Variants in ST8SIA1 observed in about 807,000 individuals in gnomAD.
ST8SIA1 encodes the protein alpha-N-acetylneuraminide alpha-2,8-sialyltransferase.
A neutral mutation model predicts 35.9 loss-of-function variants in ST8SIA1; 16 were observed. The ratio of observed to expected loss-of-function variants is 0.45; its 90% CI spans 0.30 to 0.68. The LOEUF (loss-of-function observed/expected upper bound fraction) is 0.68. Ranked by LOEUF, ST8SIA1 falls within the 30% of genes least tolerant of loss-of-function variation. The pLI is 0.09. For missense variants in ST8SIA1, 383 were observed against 453.6 expected (o/e 0.84, Z 1.41); for synonymous variants, 170 against 169.6 (o/e 1.00, Z -0.02).
At chr12:22,224,914 G>A (rs563788383) in intron 4 of ST8SIA1, among the ~76,000 whole-genome samples, 1 of 152,254 alleles carries the variant, frequency 6.6e-6, no homozygotes, top group East Asian at 1.9e-4. Flanking sequence ...TTAAAATGAG[G>A]CCACAGCACA....
At chr12:22,260,230 C>A (rs112662034) in intron 2 of ST8SIA1, among the ~76,000 whole-genome samples, 2 of 151,438 alleles carry the variant, frequency 1.3e-5, no homozygotes, top group South Asian at 4.2e-4. Flanking sequence ...GGTGCCATCA[C>A]GGCTCACTGC....
At position 22,321,352 on chromosome 12, in the gene ST8SIA1, G is replaced by A. The variant is rs181172041; in HGVS notation, c.236+12645C>T. ...AGAACACTTTGCCATTAGAAGGCTGGGCAGCCAAGCAGGGTTCACGCGGAA... is the reference window on the plus strand; with the variant it reads ...AGAACACTTTGCCATTAGAAGGCTGAGCAGCCAAGCAGGGTTCACGCGGAA... On this transcript the variant is annotated intron_variant, in intron 1 of 4. Coordinates refer to ENST00000396037, the MANE Select transcript of ST8SIA1 (RefSeq NM_003034.4). Among the ~76,000 whole-genome samples, 368 of 152,294 alleles carry A rather than the reference G, an allele frequency of 2.4e-3. 1 individual carries two copies. Among genetic ancestry groups the A allele is most frequent in the Middle Eastern group, 3.4e-3 (1 of 294 alleles).
intron 4 of ST8SIA1, among the ~76,000 whole-genome samples, chr12:22,205,772 A>C (rs1248470818): frequency 6.6e-6 from 1 of 152,142 alleles, no homozygotes. Flanking sequence ...ATGTTACAAA[A>C]ACTAAAAAAA....
chr12:22,249,748 G>C (rs7953421), intron 3 of ST8SIA1, among the ~76,000 whole-genome samples: 9,939 of 152,188 alleles, frequency 0.065, 802 homozygotes, highest in South Asian at 0.19. Context: ...GAGAGGGTAG[G>C]ACAGACATTC....
intron 1 of ST8SIA1, among the ~76,000 whole-genome samples, 195 bp from the exon 2 acceptor site, chr12:22,287,488 CAAAAA>C (rs60549878): frequency 8.7e-5 from 11 of 126,344 alleles, no homozygotes; most frequent in East Asian, 2.5e-4. Flanking sequence ...TATTTCACAG[CAAAAA>C]AAAAAAAAAA....
intron 2 of ST8SIA1, among the ~76,000 whole-genome samples, chr12:22,278,854 C>T (rs1462366984): frequency 6.6e-6 from 1 of 152,182 alleles, no homozygotes; most frequent in Non-Finnish European, 1.5e-5. Context: ...TCAAAAAGCA[C>T]TTTTGTTTCC....
chr12:22,240,246 G>C (rs1339860179), intron 4 of ST8SIA1, among the ~76,000 whole-genome samples: 3 of 152,192 alleles, frequency 2.0e-5, no homozygotes, highest in Admixed American at 1.3e-4. Context: ...TACATAGCTA[G>C]TAGGCAGAAA....
At chr12:22,229,726 G>C (rs1865396664) in intron 4 of ST8SIA1, among the ~76,000 whole-genome samples, 1 of 152,132 alleles carries the variant, frequency 6.6e-6, no homozygotes, top group African/African-American at 2.4e-5. Context: ...TGGTTTGATG[G>C]GAGAAAAATT....
intron 1 of ST8SIA1, among the ~76,000 whole-genome samples, chr12:22,291,415 C>G (rs1283269383): frequency 6.6e-6 from 1 of 152,186 alleles, no homozygotes; most frequent in Non-Finnish European, 1.5e-5. Flanking sequence ...CAAGAATTTA[C>G]CTCAGTTTCA....
intron 1 of ST8SIA1, among the ~76,000 whole-genome samples, chr12:22,296,563 C>T (rs1273926533): frequency 6.6e-6 from 1 of 152,122 alleles, no homozygotes; most frequent in Non-Finnish European, 1.5e-5. Context: ...TAACACCATG[C>T]TCAGATATGA....
chr12:22,255,730 T>C (rs1228420684), intron 2 of ST8SIA1, among the ~76,000 whole-genome samples: 1 of 152,162 alleles, frequency 6.6e-6, no homozygotes, highest in Non-Finnish European at 1.5e-5. Context: ...TTTAAAGCCA[T>C]TAAGCTGGAA....
At chr12:22,250,106 A>G (rs1865652841) in intron 3 of ST8SIA1, among the ~76,000 whole-genome samples, 1 of 151,788 alleles carries the variant, frequency 6.6e-6, no homozygotes, top group African/African-American at 2.4e-5. Flanking sequence ...CCCCACTCCC[A>G]CTCCCAAAAC....
intron 3 of ST8SIA1, 115 bp from the exon 4 acceptor site, chr12:22,249,213 G>GTTTTTTTT (rs771983175): frequency 8.7e-6 from 4 of 461,418 alleles, no homozygotes; most frequent in Non-Finnish European, 1.1e-5. Context: ...TAACTGTTTT[G>GTTTTTTTT]TTTTTTGTTT....
At chr12:22,297,757 ATTTGCTC>A (rs2135822936) in intron 1 of ST8SIA1, among the ~76,000 whole-genome samples, 1 of 152,212 alleles carries the variant, frequency 6.6e-6, no homozygotes, top group East Asian at 1.9e-4. Context: ...TGAAATATAA[ATTTGCTC>A]TTTGACCCCG....
Position 22,197,669 on chromosome 12 carries a change from T to C in ST8SIA1, c.*3883A>G, listed in dbSNP as rs1245577139. Reference sequence around the variant, plus strand: ...TTTTGGCAAATTTAAAATCCCAGGATTTTTTCAGTTATTTTCCATTTTAAG... The same window carrying C: ...TTTTGGCAAATTTAAAATCCCAGGACTTTTTCAGTTATTTTCCATTTTAAG... On this transcript the variant is annotated 3_prime_UTR_variant, in exon 5 of 5. Coordinates refer to ENST00000396037, the MANE Select transcript of ST8SIA1 (RefSeq NM_003034.4). 6.6e-6 allele frequency: 1 copy of C among 152,166 alleles called. No individual in the cohort carries two copies. Among genetic ancestry groups the C allele is most frequent in the African/African-American group, 2.4e-5 (1 of 41,432 alleles). The allele number at this position is 152,166 out of a possible 1,614,324, so 9.4% of individuals were successfully genotyped here. A position where few individuals can be genotyped will look rare whatever the true frequency, so the allele number is the denominator to read the frequency against.
intron 2 of ST8SIA1, among the ~76,000 whole-genome samples, chr12:22,281,864 C>T (rs140895265): frequency 1.5e-3 from 234 of 151,442 alleles, no homozygotes; most frequent in African/African-American, 5.4e-3. Context: ...AAAGATTAGC[C>T]GGGTGTGGTA....
At chr12:22,202,582 T>C (rs1865060863) in intron 4 of ST8SIA1, among the ~76,000 whole-genome samples, 2 of 152,200 alleles carry the variant, frequency 1.3e-5, no homozygotes, top group East Asian at 3.8e-4. Flanking sequence ...TGCAGGGAGT[T>C]GCCCATATTG....
At chr12:22,284,435 T>G (rs185653637) in intron 2 of ST8SIA1, among the ~76,000 whole-genome samples, 2 of 152,206 alleles carry the variant, frequency 1.3e-5, no homozygotes, top group African/African-American at 4.8e-5. Context: ...GCGTATCAAT[T>G]AACTGGCAAC....
intron 2 of ST8SIA1, among the ~76,000 whole-genome samples, chr12:22,285,454 T>C (rs1866086057): frequency 6.6e-6 from 1 of 152,218 alleles, no homozygotes; most frequent in African/African-American, 2.4e-5. Flanking sequence ...TAAAGAGATT[T>C]CTGTACCTTG....
Sources: gnomAD v4.1 joint callset for allele counts (sites outside exome capture counted in the v4.1 genomes callset) on GRCh38, gnomAD v4.1.1 for gene constraint, MANE v1.5 for transcripts, NCBI Gene and HGNC (gene_info 2026-07-23, HGNC 2026-07-21) for gene names.